Variants in PLEKHO2 observed in about 807,000 individuals in gnomAD.
PLEKHO2 encodes the protein pleckstrin homology domain containing O2.
In PLEKHO2, 20 loss-of-function variants were observed where a neutral mutation model predicts 32.7. The observed-to-expected ratio is 0.61, with a 90% CI of 0.43 to 0.89. PLEKHO2 has a LOEUF of 0.89. PLEKHO2 is among the 40% of genes least tolerant of loss of function. PLEKHO2 has a pLI of 0.00. For missense variants in PLEKHO2, 568 were observed against 621.2 expected, an observed-to-expected ratio of 0.91 and a Z score of 0.91; for synonymous variants, 247 against 246.3, an observed-to-expected ratio of 1.00 and a Z score of -0.03.
rs2084679240 is a variant in PLEKHO2 at position 64,865,671 on chromosome 15, C to T, written c.1256C>T (p.Ala419Val). Reference protein sequence around the residue: ...LYRAQLEVKVASEQTEKLLNK... With the variant: ...LYRAQLEVKVVSEQTEKLLNK... ...CGGGCCCAGCTGGAGGTGAAGGTGG[C>T]CTCGGAACAGACGGAGAAACTGTTG... is the stretch of plus-strand genomic sequence containing the variant. The change falls in exon 6 of 6, where the codon GCC becomes GTC. Residue 419 changes from alanine (A) to valine (V), a missense_variant. Coordinates refer to ENST00000323544, the MANE Select transcript of PLEKHO2 (RefSeq NM_025201.5). The T allele has an allele frequency of 1.9e-6, 3 of 1,614,084 alleles. No individual in the cohort carries two copies. The highest frequency in any genetic ancestry group is 2.7e-5 in the African/African-American group (2 of 74,928).
chr15:64,858,807 T>C (rs1311828105), intron 3 of PLEKHO2, among the ~76,000 whole-genome samples: 2 of 152,330 alleles, frequency 1.3e-5, no homozygotes, highest in Non-Finnish European at 2.9e-5. Flanking sequence ...CAGTTTGAAA[T>C]TGCACAATTC....
Position 64,848,679 on chromosome 15 carries a change from G to C in PLEKHO2, c.99G>C (p.Leu33=). ...GWIKKSSGGL[L]GFWKDRYLLL... is the part of the protein sequence containing the mutation. ...TCAAGAAGAGCAGTGGGGGCCTCCT[G>C]GGTTTCTGGAAAGACCGATATCTGC... The change falls in exon 2 of 6, where the codon CTG becomes CTC. Residue 33 remains leucine, a synonymous_variant. Coordinates refer to ENST00000323544, the MANE Select transcript of PLEKHO2 (RefSeq NM_025201.5). The C allele has an allele frequency of 1.2e-6, 2 of 1,614,152 alleles. No individual in the cohort carries two copies. The highest frequency in any genetic ancestry group is 1.7e-6 in the Non-Finnish European group (2 of 1,180,028).
chr15:64,857,467 C>T lies in PLEKHO2; in HGVS notation c.280-2427C>T, dbSNP rs1206981919. ...CCTCCCACCTCAGCTTCTGAGTAGC[C>T]GGGACTGCAGGCACACACCGTCATG... On this transcript the variant is annotated intron_variant, in intron 3 of 5. Coordinates refer to ENST00000323544, the MANE Select transcript of PLEKHO2 (RefSeq NM_025201.5). 4.6e-5 allele frequency among the ~76,000 whole-genome samples: 7 copies of T among 152,130 alleles called. No homozygotes were observed. In the South Asian group the frequency reaches 8.3e-4, roughly 18 times the overall value.
chr15:64,851,720 G>A (rs182330526), intron 2 of PLEKHO2, among the ~76,000 whole-genome samples: 3 of 152,168 alleles, frequency 2.0e-5, no homozygotes, highest in Non-Finnish European at 2.9e-5. Flanking sequence ...ATGATTCAGC[G>A]TCTTGGGGTG....
chr15:64,852,671 A>G (rs1485125968), intron 2 of PLEKHO2, among the ~76,000 whole-genome samples: 4 of 151,334 alleles, frequency 2.6e-5, no homozygotes, highest in Non-Finnish European at 5.9e-5. Context: ...CCCAGGCTGG[A>G]GTGCAGTGGT....
intron 3 of PLEKHO2, 77 bp from the exon 4 acceptor site, chr15:64,859,817 G>C (rs1404436046): frequency 1.6e-6 from 2 of 1,248,198 alleles, no homozygotes; most frequent in African/African-American, 3.0e-5. Context: ...TGGGATCTAG[G>C]TAAGGAAGCC....
chr15:64,848,554 G>A, intron 1 of PLEKHO2, 39 bp from the exon 2 acceptor site: 3 of 1,612,684 alleles, frequency 1.9e-6, no homozygotes, highest in Non-Finnish European at 2.5e-6. Context: ...TGACCCCATG[G>A]TAGCAACCCT....
At chr15:64,860,107 C>G in intron 4 of PLEKHO2, 109 bp downstream of exon 4, 1 of 903,500 alleles carries the variant, frequency 1.1e-6, no homozygotes, top group Admixed American at 2.0e-5. Flanking sequence ...TTGATTATGT[C>G]ACTGCTATGG....
intron 5 of PLEKHO2, among the ~76,000 whole-genome samples, chr15:64,863,417 G>C (rs537701683): frequency 6.6e-6 from 1 of 152,200 alleles, no homozygotes; most frequent in South Asian, 2.1e-4. Flanking sequence ...ACAGAGAAAA[G>C]GAATGCCTGA....
chr15:64,843,289 G>A (rs1397254138), intron 1 of PLEKHO2, among the ~76,000 whole-genome samples: 1 of 152,238 alleles, frequency 6.6e-6, no homozygotes, highest in African/African-American at 2.4e-5. Context: ...CCTGACAGTG[G>A]CCGGTTCTCT....
At chr15:64,854,618 C>G (rs955307385) in intron 2 of PLEKHO2, among the ~76,000 whole-genome samples, 3 of 152,366 alleles carry the variant, frequency 2.0e-5, no homozygotes, top group East Asian at 3.9e-4. Flanking sequence ...GGACCCCAGA[C>G]AGCCTTTTCT....
intron 1 of PLEKHO2, among the ~76,000 whole-genome samples, chr15:64,845,906 C>T (rs984103075): frequency 5.3e-5 from 8 of 152,078 alleles, no homozygotes; most frequent in African/African-American, 9.7e-5. Context: ...GCTTGGAGCT[C>T]AGAGGTGGGT....
rs535807857 is a variant in PLEKHO2, at chr15:64,865,544, C to A, written c.1129C>A (p.Pro377Thr). The stretch of plus-strand genomic sequence containing the variant: ...TGCAACAACATCCACAGCACTGCCC[C>A]CCTGGGACCTGCCACCTCAGTTCCA... ...KDATTSTALP[P>T]WDLPPQFHPR... Residue 377 changes from proline (P) to threonine (T), a missense_variant, in exon 6 of 6, where the codon CCC becomes ACC. Coordinates refer to ENST00000323544, the MANE Select transcript of PLEKHO2 (RefSeq NM_025201.5). 1.4e-5 allele frequency: 22 copies of A among 1,614,056 alleles called. No homozygotes were observed. The highest frequency in any genetic ancestry group is 1.6e-5 in the Non-Finnish European group (19 of 1,180,040).
rs373976778 is a variant in PLEKHO2, at chr15:64,859,900, G to C, written c.286G>C (p.Asp96His). 1 of 1,613,940 alleles carries C rather than the reference G, an allele frequency of 6.2e-7. No homozygotes were observed. The highest frequency in any genetic ancestry group is 1.3e-5 in the African/African-American group (1 of 74,928). Residue 96 changes from aspartate (D) to histidine (H), a missense_variant, in exon 4 of 6, where the codon GAC (aspartate) becomes CAC (histidine). Coordinates refer to ENST00000323544, the MANE Select transcript of PLEKHO2 (RefSeq NM_025201.5). ...LLRSPGNKVS[D>H]IKFQAPTGEE... The stretch of plus-strand genomic sequence containing the variant: ...CCATCCATCTTGCCCACAGGTCAGC[G>C]ACATCAAATTCCAGGCACCCACCGG...
rs555363207 is a variant in PLEKHO2, at chr15:64,864,898, G to C, written c.484-1G>C. The stretch of plus-strand genomic sequence containing the variant: ...CACCCATATACCATCCCCCCCACCA[G>C]GTGGCCAGTGCAGCTTCTGACGGTC... On this transcript the variant is annotated splice_acceptor_variant, in intron 5 of 5. Coordinates refer to ENST00000323544, the MANE Select transcript of PLEKHO2 (RefSeq NM_025201.5). LOFTEE classifies it high-confidence loss of function. The C allele has an allele frequency of 1.3e-6, 2 of 1,589,102 alleles. No homozygotes were observed. The highest frequency in any genetic ancestry group is 1.7e-6 in the Non-Finnish European group (2 of 1,165,982).
intron 5 of PLEKHO2, among the ~76,000 whole-genome samples, chr15:64,862,498 A>AG (rs1270766541): frequency 1.4e-5 from 2 of 146,668 alleles, no homozygotes; most frequent in African/African-American, 5.1e-5. Context: ...GGCAATGGGG[A>AG]GGGGGGAAGG....
intron 1 of PLEKHO2, among the ~76,000 whole-genome samples, chr15:64,848,268 A>G (rs2084537707): frequency 6.6e-6 from 1 of 152,194 alleles, no homozygotes; most frequent in Non-Finnish European, 1.5e-5. Context: ...CACTCTGTCG[A>G]GTCATCCTCC....
intron 5 of PLEKHO2, among the ~76,000 whole-genome samples, chr15:64,863,436 G>C (rs554653512): frequency 1.3e-5 from 2 of 152,046 alleles, no homozygotes; most frequent in African/African-American, 4.8e-5. Flanking sequence ...GATGGGGGCC[G>C]GGGACGGATG....
At chr15:64,849,709 C>T (rs1419533643) in intron 2 of PLEKHO2, among the ~76,000 whole-genome samples, 3 of 150,856 alleles carry the variant, frequency 2.0e-5, no homozygotes, top group Non-Finnish European at 4.4e-5. Context: ...TCCCAAAGTG[C>T]TGGGATTACA....
Sources: allele counts gnomAD v4.1 joint callset (sites outside exome capture counted in the v4.1 genomes callset), GRCh38; gene constraint gnomAD v4.1.1; transcripts MANE v1.5; gene names NCBI Gene and HGNC (gene_info 2026-07-23, HGNC 2026-07-21).